CCDC192: variants seen among roughly 807,000 people sequenced by gnomAD.
CCDC192 encodes coiled-coil domain-containing protein 192.
intron 5 of CCDC192, among the ~76,000 whole-genome samples, chr5:127,804,173 T>C (rs532066223): frequency 2.6e-5 from 4 of 152,362 alleles, no homozygotes; most frequent in Admixed American, 2.6e-4. Flanking sequence ...CCTCTGCTAA[T>C]TGACTTGTTC....
intron 2 of CCDC192, among the ~76,000 whole-genome samples, chr5:127,715,465 G>A (rs1163549395): frequency 2.0e-5 from 3 of 152,098 alleles, no homozygotes; most frequent in Non-Finnish European, 2.9e-5. Flanking sequence ...TATGCCAGTG[G>A]CATGCTGTTT....
intron 6 of CCDC192, among the ~76,000 whole-genome samples, chr5:127,880,619 TA>T (rs1158159279): frequency 6.6e-6 from 1 of 150,606 alleles, no homozygotes; most frequent in East Asian, 1.9e-4. Flanking sequence ...AATAAATAAA[TA>T]AAATGAAAAT....
chr5:127,888,463 C>T (rs190123630), intron 6 of CCDC192, among the ~76,000 whole-genome samples: 2 of 151,698 alleles, frequency 1.3e-5, no homozygotes, highest in Admixed American at 6.6e-5. Flanking sequence ...TAAATTCTCA[C>T]GTATAAATTT....
rs575815003 is a variant in CCDC192, at chr5:127,749,378, T to G, written c.115-4890T>G. Among the ~76,000 whole-genome samples, 48 of 152,252 alleles carry G rather than the reference T, an allele frequency of 3.2e-4. 1 individual carries two copies. In the South Asian group the frequency reaches 5.2e-3, roughly 16 times the overall value. On this transcript the variant is annotated intron_variant, in intron 2 of 6. Coordinates refer to ENST00000514853, the MANE Select transcript of CCDC192 (RefSeq NM_001317938.2). ...TGCATCTATTGAGATAATCATGTGG[T>G]TTTTGTCTTTGGCTCTTTTTATATG...
rs544476633 is a variant in CCDC192, at chr5:127,846,690, G to A, written c.412-28848G>A. Reference sequence around the variant, plus strand: ...TCATCATGTTGGCCAGGCTAGTCTCGAACTCCTGGCCTCAAGTGATCCACC... The same window carrying A: ...TCATCATGTTGGCCAGGCTAGTCTCAAACTCCTGGCCTCAAGTGATCCACC... On this transcript the variant is annotated intron_variant, in intron 5 of 6. Transcript: ENST00000514853. Among the ~76,000 whole-genome samples, 18 of 151,826 alleles carry A rather than the reference G, an allele frequency of 1.2e-4. 1 individual carries two copies. The South Asian group carries it at 3.3e-3, about 28-fold the overall frequency.
chr5:127,752,061 C>T (rs190690706), intron 2 of CCDC192, among the ~76,000 whole-genome samples: 1,522 of 152,090 alleles, frequency 0.01, 29 homozygotes, highest in African/African-American at 0.035. Flanking sequence ...TTGGTTTGAA[C>T]GTCCTCCCGT....
At chr5:127,840,661 C>T (rs1249265372) in intron 5 of CCDC192, among the ~76,000 whole-genome samples, 1 of 151,940 alleles carries the variant, frequency 6.6e-6, no homozygotes, top group Non-Finnish European at 1.5e-5. Flanking sequence ...TGCAGTAAGA[C>T]TCCAGGAAGT....
At chr5:127,894,317 C>T (rs1272869033) in intron 6 of CCDC192, among the ~76,000 whole-genome samples, 4 of 151,436 alleles carry the variant, frequency 2.6e-5, no homozygotes, top group African/African-American at 9.7e-5. Context: ...CTCAGCCTCC[C>T]GAGTAGCTGA....
At chr5:127,704,374 GA>G (rs1194895330) in intron 1 of CCDC192, among the ~76,000 whole-genome samples, 1 of 152,184 alleles carries the variant, frequency 6.6e-6, no homozygotes, top group African/African-American at 2.4e-5. Context: ...TTTTTGTAGA[GA>G]CAGGCTTTCA....
At chr5:127,843,730 G>T (rs963215046) in intron 5 of CCDC192, among the ~76,000 whole-genome samples, 1 of 152,036 alleles carries the variant, frequency 6.6e-6, no homozygotes, top group South Asian at 2.1e-4. Flanking sequence ...GAGCCACCTC[G>T]CCCAGCCCCA....
upstream of CCDC192, among the ~76,000 whole-genome samples, chr5:127,703,170 GTT>G: frequency 6.6e-6 from 1 of 152,304 alleles, no homozygotes; most frequent in East Asian, 1.9e-4. Context: ...CACTGTTTCT[GTT>G]CCACTTTGAA....
intron 3 of CCDC192, chr5:127,786,337 G>GA (rs537299729): frequency 0.014 from 7,308 of 520,006 alleles, no homozygotes; most frequent in South Asian, 0.019. Flanking sequence ...CTCTGTGACA[G>GA]AAAAAAAAAA....
chr5:127,766,272 A>G (rs1396191526), intron 3 of CCDC192, among the ~76,000 whole-genome samples: 1 of 152,182 alleles, frequency 6.6e-6, no homozygotes, highest in Non-Finnish European at 1.5e-5. Context: ...GTTCTTTAAC[A>G]TGGTGAACAG....
At chr5:127,736,511 T>C (rs1753003082) in intron 2 of CCDC192, among the ~76,000 whole-genome samples, 1 of 151,890 alleles carries the variant, frequency 6.6e-6, no homozygotes. Flanking sequence ...ATGGTACCAG[T>C]TCCTCCTTTT....
chr5:127,941,427 A>G lies in CCDC192; in HGVS notation c.781A>G (p.Thr261Ala), dbSNP rs970682047. 7.5e-6 allele frequency: 3 copies of G among 398,948 alleles called. No homozygotes were observed. Among genetic ancestry groups the G allele is most frequent in the Non-Finnish European group, 8.8e-6 (2 of 226,076 alleles). 24.7% of individuals were successfully genotyped at this position (398,948 alleles called of 1,614,324 possible). The stretch of plus-strand genomic sequence containing the variant: ...TTTACCAGAAGCCCCAGTTTTCTCT[A>G]CTCATGACATCCCACCTGTGGTCTC... ...GCLPEAPVFS[T>A]HDIPPVVSDE... Residue 261 changes from threonine (T) to alanine (A), a missense_variant, in exon 7 of 7, where the codon ACT (threonine) becomes GCT (alanine). By Grantham distance (58) the Thr-to-Ala change is moderately conservative. Coordinates refer to ENST00000514853, the MANE Select transcript of CCDC192 (RefSeq NM_001317938.2).
chr5:127,778,080 G>T (rs1250671275), intron 3 of CCDC192, among the ~76,000 whole-genome samples: 1 of 152,020 alleles, frequency 6.6e-6, no homozygotes, highest in Non-Finnish European at 1.5e-5. Flanking sequence ...ATACAGATAG[G>T]TGAACTTCTT....
intron 3 of CCDC192, among the ~76,000 whole-genome samples, chr5:127,768,007 A>C (rs1406076672): frequency 6.6e-6 from 1 of 152,124 alleles, no homozygotes; most frequent in Non-Finnish European, 1.5e-5. Flanking sequence ...TAATCCCAGC[A>C]CTTTGGGAGG....
intron 6 of CCDC192, among the ~76,000 whole-genome samples, chr5:127,934,191 C>T (rs1488711343): frequency 2.2e-5 from 1 of 45,628 alleles, no homozygotes; most frequent in African/African-American, 4.4e-5. Flanking sequence ...GTATTTGTTC[C>T]CTTCTAAGTC....
intron 6 of CCDC192, among the ~76,000 whole-genome samples, chr5:127,876,846 G>C (rs1018584167): frequency 1.3e-5 from 2 of 152,180 alleles, no homozygotes; most frequent in African/African-American, 4.8e-5. Context: ...ATTTCGTATA[G>C]TGCTTTCCCA....
Sources: gnomAD v4.1 joint callset for allele counts (sites outside exome capture counted in the v4.1 genomes callset) on GRCh38, gnomAD v4.1.1 for gene constraint, MANE v1.5 for transcripts, NCBI Gene and HGNC (gene_info 2026-07-23, HGNC 2026-07-21) for gene names.